The following PPP2R5C variants were observed in gnomAD, a reference collection of about 807,000 sequenced individuals.
PPP2R5C encodes the protein protein phosphatase 2 regulatory subunit B'gamma, also known as serine/threonine-protein phosphatase 2A 56 kDa regulatory subunit gamma isoform.
PPP2R5C carries 7 observed loss-of-function variants against 68.9 expected under a neutral mutation model. That is an observed-to-expected ratio of 0.10 (90% CI 0.06 to 0.19). The LOEUF is 0.19. PPP2R5C is among the 10% of genes least tolerant of loss of function. The pLI is 1.00. For synonymous variants in PPP2R5C, 210 were observed against 222.2 expected, an observed-to-expected ratio of 0.95 and a Z score of 0.49; for missense variants, 348 against 641.3, an observed-to-expected ratio of 0.54 and a Z score of 4.94.
At chr14:101,794,797 A>G (rs536930191) in intron 3 of PPP2R5C, among the ~76,000 whole-genome samples, 6 of 152,156 alleles carry the variant, frequency 3.9e-5, no homozygotes, top group Non-Finnish European at 7.4e-5. Flanking sequence ...TGTTTATATG[A>G]AGGCTATTGA....
At chr14:101,862,952 A>T (rs1056264997) in intron 2 of PPP2R5C, among the ~76,000 whole-genome samples, 1 of 150,576 alleles carries the variant, frequency 6.6e-6, no homozygotes, top group Non-Finnish European at 1.5e-5. Context: ...CCTCAGCCTC[A>T]CAAGTAGCTG....
intron 1 of PPP2R5C, among the ~76,000 whole-genome samples, chr14:101,844,454 G>A (rs1022223729): frequency 1.3e-5 from 2 of 152,152 alleles, no homozygotes; most frequent in Admixed American, 6.5e-5. Flanking sequence ...CTGGAGCTCC[G>A]GCAGCACCGC....
exon 11 of PPP2R5C, chr14:101,909,614 G>A (rs372778877): frequency 2.5e-6 from 4 of 1,610,530 alleles, no homozygotes; most frequent in Non-Finnish European, 3.4e-6. Context: ...GATATACAAC[G>A]CCCTGAAGCT....
chr14:101,846,291 A>G (rs1433782867), intron 1 of PPP2R5C, among the ~76,000 whole-genome samples: 1 of 152,244 alleles, frequency 6.6e-6, no homozygotes, highest in East Asian at 1.9e-4. Flanking sequence ...CTAAGATACC[A>G]TATCTCATCA....
chr14:101,896,662 A>G (rs1001516789), intron 8 of PPP2R5C, among the ~76,000 whole-genome samples: 6 of 146,566 alleles, frequency 4.1e-5, no homozygotes, highest in Non-Finnish European at 7.5e-5. Context: ...AAAAGTGTAT[A>G]TCTTCTTTGC....
Position 101,920,105 on chromosome 14 carries a change from A to G in PPP2R5C, c.1443+2158A>G, listed in dbSNP as rs943413496. Among the ~76,000 whole-genome samples, 7 of 152,174 alleles carry G rather than the reference A, an allele frequency of 4.6e-5. 1 individual carries two copies. The highest frequency in any genetic ancestry group is 1.3e-4 in the Admixed American group (2 of 15,284). On this transcript the variant is annotated intron_variant, in intron 13 of 13. Coordinates refer to ENST00000334743, the Ensembl canonical transcript of PPP2R5C. ...AAGAATAAACTAGGTCCAAAATGTG[A>G]TGTACCTGAAAGGTGTGTGCATATT... is the stretch of plus-strand genomic sequence containing the variant.
rs774148842 is a variant in PPP2R5C at position 101,883,239 on chromosome 14, TG to T, written c.406-17del. ...TAAAATCTCATGTTATTTGACTCATTGTTTTTTTTCCTCCTAGCTTGTTTAT... is the reference window on the plus strand; with the variant it reads ...TAAAATCTCATGTTATTTGACTCATTTTTTTTTTCCTCCTAGCTTGTTTAT... On this transcript the variant is annotated splice_polypyrimidine_tract_variant and intron_variant, in intron 3 of 13. Transcript: ENST00000334743. The T allele has an allele frequency of 6.8e-7, 1 of 1,472,916 alleles. No individual in the cohort carries two copies. The highest frequency in any genetic ancestry group is 1.2e-5 in the South Asian group (1 of 81,984). 91.2% of individuals were successfully genotyped at this position (1,472,916 alleles called of 1,614,324 possible).
upstream of PPP2R5C, chr14:101,809,876 T>C (rs1235297981): frequency 5.7e-6 from 9 of 1,570,352 alleles, no homozygotes; most frequent in Non-Finnish European, 7.8e-6. Context: ...GTCTTTTTTT[T>C]TTTAAACTAA....
At chr14:101,780,528 T>A (rs904237525) in intron 2 of PPP2R5C, among the ~76,000 whole-genome samples, 3 of 152,204 alleles carry the variant, frequency 2.0e-5, no homozygotes, top group Non-Finnish European at 4.4e-5. Context: ...GAGGCTCACC[T>A]GGGCTGAAGT....
chr14:101,793,760 G>T (rs1426922726), intron 3 of PPP2R5C, among the ~76,000 whole-genome samples: 1 of 152,232 alleles, frequency 6.6e-6, no homozygotes, highest in Admixed American at 6.5e-5. Flanking sequence ...GAGGAATGAG[G>T]TTGCATGAAG....
intron 2 of PPP2R5C, chr14:101,765,629 A>G (rs116932041): frequency 0.13 from 21,129 of 164,910 alleles, 1,540 homozygotes; most frequent in African/African-American, 0.18. Flanking sequence ...GTGCAATGGC[A>G]CAGTCTCGGC....
At chr14:101,837,455 A>T (rs1039678875) in intron 1 of PPP2R5C, among the ~76,000 whole-genome samples, 4 of 152,172 alleles carry the variant, frequency 2.6e-5, no homozygotes, top group Non-Finnish European at 5.9e-5. Context: ...CCCTCATGGT[A>T]TAAGTTTTTA....
At chr14:101,820,952 T>TAAG (rs555477544) in intron 1 of PPP2R5C, 1 of 152,206 alleles carries the variant, frequency 6.6e-6, no homozygotes, top group South Asian at 2.1e-4. Flanking sequence ...CCATACTTTC[T>TAAG]AAGAATGTAA....
chr14:101,902,553 G>C (rs1000655599), intron 9 of PPP2R5C, among the ~76,000 whole-genome samples: 97 of 152,188 alleles, frequency 6.4e-4, no homozygotes, highest in African/African-American at 2.3e-3. Flanking sequence ...CATGAACAAG[G>C]TGAAAATAGG....
At chr14:101,785,672 C>T (rs1030506337) in intron 2 of PPP2R5C, among the ~76,000 whole-genome samples, 7 of 152,282 alleles carry the variant, frequency 4.6e-5, no homozygotes, top group African/African-American at 1.4e-4. Flanking sequence ...CTGCAGAGTC[C>T]CTGTCGCCAA....
rs1318995837 is a variant in PPP2R5C at position 101,879,901 on chromosome 14, C to T, written c.295-2260C>T. 6.6e-6 allele frequency among the ~76,000 whole-genome samples: 1 copy of T among 152,212 alleles called. No homozygotes were observed. Among genetic ancestry groups the T allele is most frequent in the Non-Finnish European group, 1.5e-5 (1 of 68,040 alleles). On this transcript the variant is annotated intron_variant, in intron 2 of 13. Coordinates refer to ENST00000334743, the Ensembl canonical transcript of PPP2R5C. This position sits in a 1 kb window ranked among gnomAD's most constrained non-coding sequence, Gnocchi z 4.2. ...ATGACAGGACCCTGGGAGGACATGG[C>T]GGCCTGCCCAAAGTGTGTGTGTGTG...
rs1050987056 is a variant in PPP2R5C, at chr14:101,916,934, G to C, written c.1327-897G>C. ...ATGTCCCAGTTCCCCCATCAGCCAG[G>C]TGAGGGTGGCAGTACACACACACGA... On this transcript the variant is annotated intron_variant, in intron 12 of 13. Coordinates refer to ENST00000334743, the Ensembl canonical transcript of PPP2R5C. This position sits in a 1 kb window ranked among gnomAD's most constrained non-coding sequence, Gnocchi z 5.5. Among the ~76,000 whole-genome samples the C allele has an allele frequency of 1.3e-5, 2 of 152,086 alleles. No homozygotes were observed. Among genetic ancestry groups the C allele is most frequent in the Non-Finnish European group, 1.5e-5 (1 of 67,986 alleles).
intron 2 of PPP2R5C, among the ~76,000 whole-genome samples, chr14:101,870,017 T>C (rs974029814): frequency 2.6e-5 from 4 of 151,138 alleles, no homozygotes; most frequent in Admixed American, 6.6e-5. Flanking sequence ...CTGTTCCAAT[T>C]GTTTGCCTGT....
At chr14:101,907,447 G>A (rs899285556) in intron 10 of PPP2R5C, among the ~76,000 whole-genome samples, 42 of 152,066 alleles carry the variant, frequency 2.8e-4, no homozygotes, top group African/African-American at 9.7e-4. Flanking sequence ...CTGGGACGAC[G>A]TGAGCCACTG....
Sources: gnomAD v4.1 joint callset for allele counts (sites outside exome capture counted in the v4.1 genomes callset) on GRCh38, gnomAD v4.1.1 for gene constraint, Gnocchi (gnomAD v3.1) non-coding constraint, MANE v1.5 for transcripts, NCBI Gene and HGNC (gene_info 2026-07-23, HGNC 2026-07-21) for gene names.